RASAL2: variants seen among roughly 807,000 people sequenced by gnomAD.
The protein encoded by RASAL2 is RAS protein activator like 2.
Under a neutral mutation model 128.9 loss-of-function variants are expected in RASAL2, and 58 were observed. The ratio of observed to expected loss-of-function variants is 0.45; its 90% CI spans 0.36 to 0.56. The LOEUF is 0.56. Among genes scored for constraint, RASAL2 ranks in the 20% least tolerant of loss-of-function variants. The pLI is 0.00. For synonymous variants in RASAL2, 561 were observed against 580.8 expected (o/e 0.97, Z 0.49); for missense variants, 1,360 against 1,601.6 (o/e 0.85, Z 2.57).
At chr1:178,248,008 A>G (rs1330292368) in intron 1 of RASAL2, among the ~76,000 whole-genome samples, 2 of 152,184 alleles carry the variant, frequency 1.3e-5, no homozygotes, top group South Asian at 2.1e-4. Context: ...CAATTTTAGA[A>G]TAAGTGCTGT....
rs1167658340 is a variant in RASAL2 at position 178,157,949 on chromosome 1, T to TA, written c.202+63263dup. ...ACACATCTCATGTGAAAATGACATT[T>TA]AAAAAAAACACCTTGCTAGGATTGC... On this transcript the variant is annotated intron_variant, in intron 1 of 17. Coordinates refer to ENST00000367649, the MANE Select transcript of RASAL2 (RefSeq NM_170692.4). 5.3e-5 allele frequency among the ~76,000 whole-genome samples: 8 copies of TA among 152,050 alleles called. No individual in the cohort carries two copies. The East Asian group carries it at 5.8e-4, about 11-fold the overall frequency.
At chr1:178,161,247 A>G (rs1323517930) in intron 1 of RASAL2, among the ~76,000 whole-genome samples, 2 of 152,216 alleles carry the variant, frequency 1.3e-5, no homozygotes, top group African/African-American at 4.8e-5. Flanking sequence ...ATCACCCTGA[A>G]GGGAAACCCC....
At chr1:178,351,630 G>A (rs1214118371) in intron 3 of RASAL2, among the ~76,000 whole-genome samples, 1 of 151,968 alleles carries the variant, frequency 6.6e-6, no homozygotes, top group Non-Finnish European at 1.5e-5. Flanking sequence ...TTGGGAGGCT[G>A]AGGCAGAAGA....
At chr1:178,145,093 A>G (rs990508496) in intron 1 of RASAL2, among the ~76,000 whole-genome samples, 17 of 152,186 alleles carry the variant, frequency 1.1e-4, no homozygotes, top group African/African-American at 4.1e-4. Flanking sequence ...ATGGAAAGTT[A>G]TTTTATAGCA....
intron 1 of RASAL2, among the ~76,000 whole-genome samples, chr1:178,266,130 A>G (rs1160817112): frequency 6.6e-6 from 1 of 152,206 alleles, no homozygotes; most frequent in Non-Finnish European, 1.5e-5. Flanking sequence ...CTAGGAGTAG[A>G]ATTGCTAGAT....
chr1:178,236,294 A>G (rs1325934028), intron 1 of RASAL2, among the ~76,000 whole-genome samples: 2 of 152,178 alleles, frequency 1.3e-5, no homozygotes, highest in African/African-American at 4.8e-5. Flanking sequence ...CTTCATAAGT[A>G]TATACTATGA....
chr1:178,211,539 T>G (rs1293640561), intron 1 of RASAL2, among the ~76,000 whole-genome samples: 1 of 152,152 alleles, frequency 6.6e-6, no homozygotes, highest in African/African-American at 2.4e-5. Flanking sequence ...TCCCATTGCT[T>G]CTCGCCCCAT....
chr1:178,357,165 C>CT (rs1670854690), intron 3 of RASAL2, among the ~76,000 whole-genome samples: 1 of 152,120 alleles, frequency 6.6e-6, no homozygotes. Flanking sequence ...TTCAGCCTGT[C>CT]TTTTGCTATT....
chr1:178,445,047 T>C (rs1676904248), intron 8 of RASAL2, among the ~76,000 whole-genome samples: 2 of 151,198 alleles, frequency 1.3e-5, no homozygotes, highest in South Asian at 4.2e-4. Flanking sequence ...GGAAATGATG[T>C]GTGAACTAAA....
chr1:178,367,485 TCCC>T (rs1246087615), intron 3 of RASAL2, among the ~76,000 whole-genome samples: 1 of 152,140 alleles, frequency 6.6e-6, no homozygotes, highest in East Asian at 1.9e-4. Flanking sequence ...CTATTTCTCT[TCCC>T]CATAAAATAT....
At chr1:178,436,315 A>G (rs866991251) in intron 5 of RASAL2, among the ~76,000 whole-genome samples, 1 of 152,088 alleles carries the variant, frequency 6.6e-6, no homozygotes, top group African/African-American at 2.4e-5. Flanking sequence ...ACACACACAT[A>G]AAAATGCCAA....
intron 1 of RASAL2, among the ~76,000 whole-genome samples, chr1:178,187,954 C>T (rs1205913382): frequency 1.3e-5 from 2 of 151,978 alleles, no homozygotes; most frequent in Admixed American, 6.6e-5. Flanking sequence ...TTTACTCTTA[C>T]TATTAATACC....
At chr1:178,418,724 A>G (rs1674941445) in intron 4 of RASAL2, among the ~76,000 whole-genome samples, 1 of 152,208 alleles carries the variant, frequency 6.6e-6, no homozygotes, top group East Asian at 1.9e-4. Flanking sequence ...AAATATTTTC[A>G]GTTCCCTTTC....
rs549456625 is a variant in RASAL2, at chr1:178,289,736, G to C, written c.330+6045G>C. Among the ~76,000 whole-genome samples, 173 of 152,174 alleles carry C rather than the reference G, an allele frequency of 1.1e-3. 1 individual carries two copies. The highest frequency in any genetic ancestry group is 2.5e-4 in the Non-Finnish European group (17 of 68,018). ...AATCTTCACTTCATGACTTACCATA[G>C]GTAAGTTATCTCCATTAATGACAAC... On this transcript the variant is annotated intron_variant, in intron 2 of 17. Transcript: ENST00000367649.
At chr1:178,258,743 A>G (rs570356360) in intron 1 of RASAL2, among the ~76,000 whole-genome samples, 37 of 152,322 alleles carry the variant, frequency 2.4e-4, no homozygotes, top group African/African-American at 7.7e-4. Flanking sequence ...TCACTCAGCA[A>G]TTCCACTCCA....
intron 2 of RASAL2, among the ~76,000 whole-genome samples, chr1:178,296,111 GTGTGTATATATA>G (rs145226795): frequency 0.18 from 27,004 of 151,166 alleles, 2,963 homozygotes; most frequent in African/African-American, 0.31. Flanking sequence ...GTGTATATAT[GTGTGTATATATA>G]TGTGTATATA....
At chr1:178,266,490 A>G (rs1255190826) in intron 1 of RASAL2, among the ~76,000 whole-genome samples, 1 of 152,120 alleles carries the variant, frequency 6.6e-6, no homozygotes, top group Admixed American at 6.6e-5. Context: ...ATTCATTTTG[A>G]TACGGCTCCA....
At chr1:178,467,261 G>A in intron 16 of RASAL2, 73 bp from the exon 17 acceptor site, 1 of 1,197,444 alleles carries the variant, frequency 8.4e-7, no homozygotes, top group Non-Finnish European at 1.2e-6. Context: ...AGAGGATATT[G>A]AGTTTTCCTG....
chr1:178,405,187 A>G (rs1202664586), intron 4 of RASAL2, among the ~76,000 whole-genome samples: 1 of 152,188 alleles, frequency 6.6e-6, no homozygotes, highest in Non-Finnish European at 1.5e-5. Flanking sequence ...CCAGCATCCC[A>G]TTTCTAGGAA....
Sources: gnomAD v4.1 joint callset for allele counts (sites outside exome capture counted in the v4.1 genomes callset) on GRCh38, gnomAD v4.1.1 for gene constraint, MANE v1.5 for transcripts, NCBI Gene and HGNC (gene_info 2026-07-23, HGNC 2026-07-21) for gene names.